The following SPHK2 variants were observed in gnomAD, a reference collection of about 807,000 sequenced individuals.
SPHK2 encodes sphingosine kinase 2.
Under a neutral mutation model 32.3 loss-of-function variants are expected in SPHK2, and 18 were observed. That is an observed-to-expected ratio of 0.56 (90% CI 0.39 to 0.83). The LOEUF (loss-of-function observed/expected upper bound fraction) is 0.83, where lower values mean the gene tolerates loss of function less well. SPHK2 is among the 40% of genes least tolerant of loss of function. The pLI, the probability that SPHK2 is intolerant of heterozygous loss-of-function variation, is 0.00. For synonymous variants in SPHK2, 462 were observed against 417.6 expected (o/e 1.11, Z -1.30); for missense variants, 850 against 908.7 (o/e 0.94, Z 0.83).
intron 2 of SPHK2, among the ~76,000 whole-genome samples, chr19:48,622,835 G>A (rs942927465): frequency 3.6e-5 from 5 of 138,300 alleles, no homozygotes; most frequent in South Asian, 2.2e-4. Flanking sequence ...GCATCATCTC[G>A]GCTCACTGTA....
chr19:48,625,733 C>T (rs575013496), intron 2 of SPHK2, 158 bp from the exon 3 acceptor site: 3 of 1,535,218 alleles, frequency 2.0e-6, no homozygotes, highest in Admixed American at 2.0e-5. Flanking sequence ...CCCGCATCCT[C>T]AAGGTCTGCC....
chr19:48,621,090 T>C (rs1974388901), intron 2 of SPHK2, among the ~76,000 whole-genome samples: 1 of 151,970 alleles, frequency 6.6e-6, no homozygotes, highest in Non-Finnish European at 1.5e-5. Context: ...ATTTATTTAT[T>C]TATTTTGAGG....
At position 48,630,034 on chromosome 19, in the gene SPHK2, G is replaced by A. The variant is rs1431183542; in HGVS notation, c.*261G>A. 7.5e-7 allele frequency: 1 copy of A among 1,339,348 alleles called. No homozygotes were observed. The highest frequency in any genetic ancestry group is 9.5e-7 in the Non-Finnish European group (1 of 1,047,182). The allele number at this position is 1,339,348 out of a possible 1,614,324, so 83.0% of individuals were successfully genotyped here. A position where few individuals can be genotyped will look rare whatever the true frequency, so the allele number is the denominator to read the frequency against. ...GCGTCTGATCTGGGGCCGCCCTTAC[G>A]GGGCAGGGCTCAGTCCTGACGCTTG... On this transcript the variant is annotated 3_prime_UTR_variant, in exon 7 of 7. Transcript: ENST00000245222. The surrounding 1 kb of genome is among the most constrained non-coding windows in gnomAD (Gnocchi z 4.9).
At chr19:48,624,811 C>T in intron 2 of SPHK2, 1 of 793,802 alleles carries the variant, frequency 1.3e-6, no homozygotes, top group Non-Finnish European at 1.5e-6. Flanking sequence ...CGTCCTGGAC[C>T]CGAGAGAGCC....
rs1285395721 is a variant in SPHK2 at position 48,630,265 on chromosome 19, A to T, written c.*492A>T. The T allele has an allele frequency of 7.8e-7, 1 of 1,288,300 alleles. No homozygotes were observed. Among genetic ancestry groups the T allele is most frequent in the Non-Finnish European group, 9.8e-7 (1 of 1,018,790 alleles). 79.8% of individuals were successfully genotyped at this position (1,288,300 alleles called of 1,614,324 possible). A position where few individuals can be genotyped will look rare whatever the true frequency, so the allele number is the denominator to read the frequency against. ...CAGGTTCCCCGGGGCCGGCGCTAGG[A>T]TTTGCACTAATGTTCCTCTCCCCGC... On this transcript the variant is annotated 3_prime_UTR_variant, in exon 7 of 7. Transcript: ENST00000245222. The surrounding 1 kb of genome is among the most constrained non-coding windows in gnomAD (Gnocchi z 4.9).
chr19:48,620,675 G>GAGTGCTGGGATTA, intron 2 of SPHK2, 122 bp downstream of exon 2: 1 of 859,964 alleles, frequency 1.2e-6, no homozygotes, highest in Non-Finnish European at 1.8e-6. Context: ...TGTAATCCCA[G>GAGTGCTGGGATTA]CACTCTGGGA....
chr19:48,620,143 A>G (rs1974343129), intron 1 of SPHK2, among the ~76,000 whole-genome samples: 1 of 152,158 alleles, frequency 6.6e-6, no homozygotes, highest in Admixed American at 6.5e-5. Flanking sequence ...TTTCAGGATT[A>G]TGAAAGTTAA....
At chr19:48,620,671 C>T in intron 2 of SPHK2, 118 bp downstream of exon 2, 1 of 883,704 alleles carries the variant, frequency 1.1e-6, no homozygotes, top group Non-Finnish European at 1.7e-6. Context: ...AGCTTGTAAT[C>T]CCAGCACTCT....
intron 2 of SPHK2, chr19:48,624,978 A>G: frequency 1.0e-6 from 1 of 987,180 alleles, no homozygotes. Context: ...CGAAAGGAGG[A>G]GGCAGAATCC....
At chr19:48,621,864 GCA>G (rs771003601) in intron 2 of SPHK2, among the ~76,000 whole-genome samples, 1 of 152,156 alleles carries the variant, frequency 6.6e-6, no homozygotes, top group Non-Finnish European at 1.5e-5. Flanking sequence ...CCTTGCAGCT[GCA>G]CAGTTAGAGA....
chr19:48,625,062 C>T (rs1025393832), intron 2 of SPHK2: 3 of 991,670 alleles, frequency 3.0e-6, no homozygotes, highest in South Asian at 4.5e-5. Flanking sequence ...GGAGAGCAGG[C>T]GGCCAGACAC....
chr19:48,626,449 C>T (rs1436164438), intron 3 of SPHK2, 87 bp downstream of exon 3: 1 of 1,415,660 alleles, frequency 7.1e-7, no homozygotes, highest in Non-Finnish European at 9.3e-7. Context: ...CTTTATTTTT[C>T]TGTGTGTCTG....
chr19:48,630,310 CA>C lies in SPHK2; in HGVS notation c.*538del. The C allele has an allele frequency of 7.7e-7, 1 of 1,292,770 alleles. No homozygotes were observed. The highest frequency in any genetic ancestry group is 9.8e-7 in the Non-Finnish European group (1 of 1,021,140). The allele number at this position is 1,292,770 out of a possible 1,614,324, so 80.1% of individuals were successfully genotyped here. On this transcript the variant is annotated 3_prime_UTR_variant, in exon 7 of 7. Transcript: ENST00000245222. This position sits in a 1 kb window ranked among gnomAD's most constrained non-coding sequence, Gnocchi z 4.9. ...CCCCGCGGGTGGGGGCGGGGAAATT[CA>C]TATCCCCTGTTCGTCTCATGCGCGT...
Position 48,630,168 on chromosome 19 carries a change from CGG to C in SPHK2, c.*396_*397del. 1 of 1,238,402 alleles carries C rather than the reference CGG, an allele frequency of 8.1e-7. No homozygotes were observed. Among genetic ancestry groups the C allele is most frequent in the Non-Finnish European group, 1.0e-6 (1 of 988,642 alleles). The allele number at this position is 1,238,402 out of a possible 1,614,324, so 76.7% of individuals were successfully genotyped here. On this transcript the variant is annotated 3_prime_UTR_variant, in exon 7 of 7. Transcript: ENST00000245222. This position sits in a 1 kb window ranked among gnomAD's most constrained non-coding sequence, Gnocchi z 4.9. ...CTGGGGTAGGCCTCAGTGAGTCGGCCGGTCAGGGCCCGCAGCCTCGCCCCATC... is the reference window on the plus strand; with the variant it reads ...CTGGGGTAGGCCTCAGTGAGTCGGCCTCAGGGCCCGCAGCCTCGCCCCATC...
Position 48,629,710 on chromosome 19 carries a change from G to A in SPHK2, c.1902G>A (p.Gln634=), listed in dbSNP as rs748929693. 12 of 1,609,740 alleles carry A rather than the reference G, an allele frequency of 7.5e-6. No homozygotes were observed. Among genetic ancestry groups the A allele is most frequent in the Non-Finnish European group, 1.0e-5 (12 of 1,178,230 alleles). ...TGGAGTATGGGCCGCTACAGGCACA[G>A]ATGCACCCTGGCATCGGTACACTGC... ...EQVEYGPLQA[Q]MHPGIGTLLT... Residue 634 remains glutamine, a synonymous_variant, in exon 7 of 7, where the codon CAG becomes CAA. Transcript: ENST00000245222.
In SPHK2 at chr19:48,629,695, G is replaced by A; in HGVS notation, c.1887G>A (p.Gly629=). ...LTVDGEQVEY[G]PLQAQMHPGI... ...TGGACGGGGAGCAGGTGGAGTATGG[G>A]CCGCTACAGGCACAGATGCACCCTG... The change falls in exon 7 of 7, where the codon GGG becomes GGA. Residue 629 remains glycine, a synonymous_variant. Transcript: ENST00000245222. 3 of 1,609,770 alleles carry A rather than the reference G, an allele frequency of 1.9e-6. No individual in the cohort carries two copies. The highest frequency in any genetic ancestry group is 2.5e-6 in the Non-Finnish European group (3 of 1,178,570).
At position 48,628,345 on chromosome 19, in the gene SPHK2, C is replaced by A; in HGVS notation, c.872+68C>A. On this transcript the variant is annotated intron_variant, in intron 6 of 6. Coordinates refer to ENST00000245222, the MANE Select transcript of SPHK2 (RefSeq NM_020126.5). The surrounding 1 kb of genome is among the most constrained non-coding windows in gnomAD (Gnocchi z 5.2). The stretch of plus-strand genomic sequence containing the variant: ...GGGTGATAGGGACCCCTATATCTCC[C>A]ACTCAGCCAAACCCACAGTCAGTCA... 1 of 1,419,730 alleles carries A rather than the reference C, an allele frequency of 7.0e-7. No individual in the cohort carries two copies. The highest frequency in any genetic ancestry group is 1.1e-5 in the South Asian group (1 of 87,016). 87.9% of individuals were successfully genotyped at this position (1,419,730 alleles called of 1,614,324 possible). A position where few individuals can be genotyped will look rare whatever the true frequency, so the allele number is the denominator to read the frequency against.
chr19:48,623,062 G>A (rs1298443592), intron 2 of SPHK2: 2 of 151,214 alleles, frequency 1.3e-5, no homozygotes, highest in Non-Finnish European at 2.9e-5. Context: ...GGCTAACACG[G>A]TGAAACCCTG....
Position 48,620,316 on chromosome 19 carries a change from C to A in SPHK2, c.-113-86C>A. ...CCCCCACCCGCCAGGGAGGCCCCTG[C>A]CTCTTGGTTCTCAGGCACATTGAGC... On this transcript the variant is annotated intron_variant, in intron 1 of 6. Coordinates refer to ENST00000245222, the MANE Select transcript of SPHK2 (RefSeq NM_020126.5). 3 of 530,498 alleles carry A rather than the reference C, an allele frequency of 5.7e-6. No homozygotes were observed. The South Asian group carries it at 8.3e-5, about 15-fold the overall frequency. 32.9% of individuals were successfully genotyped at this position (530,498 alleles called of 1,614,324 possible).
Sources: gnomAD v4.1 joint callset for allele counts (sites outside exome capture counted in the v4.1 genomes callset) on GRCh38, gnomAD v4.1.1 for gene constraint, Gnocchi (gnomAD v3.1) non-coding constraint, MANE v1.5 for transcripts, NCBI Gene and HGNC (gene_info 2026-07-23, HGNC 2026-07-21) for gene names.